DNAH12: variants seen among roughly 807,000 people sequenced by gnomAD.
DNAH12 encodes the protein dynein axonemal heavy chain 12.
Under a neutral mutation model 371.5 loss-of-function variants are expected in DNAH12, and 285 were observed. That is an observed-to-expected ratio of 0.77 (90% CI 0.70 to 0.85). The LOEUF is 0.85. Ranked by LOEUF, DNAH12 falls within the 40% of genes least tolerant of loss-of-function variation. DNAH12 has a pLI of 0.00. For missense variants in DNAH12, 3,611 were observed against 3,689.4 expected (o/e 0.98, Z 0.55); for synonymous variants, 1,200 against 1,213.0 (o/e 0.99, Z 0.22).
chr3:57,433,659 G>C lies in DNAH12; in HGVS notation c.4825C>G (p.Pro1609Ala). The stretch of plus-strand genomic sequence containing the variant: ...ATTTAGGTTACCTCATGAGACACTG[G>C]GTCAAACTGTCCAAAAAGTTGGCCC... ...TMGQLFGQFD[P>A]VSHEWTDGIV... The change falls in exon 31 of 74, where the codon CCA (proline) becomes GCA (alanine). Residue 1609 changes from proline to alanine, a missense_variant. Physicochemically the swap from Pro to Ala is conservative, Grantham distance 27. Around this residue, in one of 3 missense-constraint regions of DNAH12, gnomAD observed 2,266 missense variants for 2,236.9 expected, o/e 1.01. Coordinates refer to ENST00000495027, the MANE Select transcript of DNAH12 (RefSeq NM_001366028.2). 4 of 1,549,382 alleles carry C rather than the reference G, an allele frequency of 2.6e-6. No homozygotes were observed. Among genetic ancestry groups the C allele is most frequent in the Non-Finnish European group, 3.5e-6 (4 of 1,146,590 alleles).
intron 2 of DNAH12, among the ~76,000 whole-genome samples, chr3:57,524,947 GT>G (rs1223867507): frequency 2.6e-5 from 4 of 152,100 alleles, no homozygotes; most frequent in Non-Finnish European, 4.4e-5. Flanking sequence ...TAATCGAGAG[GT>G]TTTGAGCATG....
chr3:57,314,401 G>C, intron 66 of DNAH12, 93 bp downstream of exon 66: 3 of 1,456,808 alleles, frequency 2.1e-6, no homozygotes, highest in Non-Finnish European at 2.8e-6. Context: ...TGTTAGTGTT[G>C]GGAGAAGTGA....
chr3:57,499,673 T>TATATATATATATATACACACACAC (rs771112538), intron 11 of DNAH12, among the ~76,000 whole-genome samples: 7 of 44,444 alleles, frequency 1.6e-4, no homozygotes, highest in Admixed American at 2.8e-4. Context: ...TATATATATA[T>TATATATATATATATACACACACAC]ATACTTCTTA....
At chr3:57,402,516 A>T in intron 43 of DNAH12, 1 of 1,065,974 alleles carries the variant, frequency 9.4e-7, no homozygotes, top group Admixed American at 2.5e-5. Context: ...GCTAGAAACC[A>T]TTTATTTATC....
intron 19 of DNAH12, among the ~76,000 whole-genome samples, chr3:57,460,430 T>A (rs142840220): frequency 7.4e-4 from 112 of 152,328 alleles, no homozygotes; most frequent in Middle Eastern, 3.4e-3. Context: ...TGAAGACCAT[T>A]AATATAATAT....
chr3:57,405,504 A>G lies in DNAH12; in HGVS notation c.6576+149T>C, dbSNP rs1182820807. ...TTCTATGTTACATACTTTCCTATGA[A>G]GATAAATCTTCTCAAAACAAACACC... On this transcript the variant is annotated intron_variant, in intron 41 of 73. Coordinates refer to ENST00000495027, the MANE Select transcript of DNAH12 (RefSeq NM_001366028.2). 6.7e-6 allele frequency: 6 copies of G among 897,870 alleles called. No homozygotes were observed. In the Admixed American group the frequency reaches 1.8e-4, roughly 26 times the overall value. The allele number at this position is 897,870 out of a possible 1,614,324, so 55.6% of individuals were successfully genotyped here. A position where few individuals can be genotyped will look rare whatever the true frequency, so the allele number is the denominator to read the frequency against.
At chr3:57,499,648 A>AAAAAAAAAAAAAAAAATATATG (rs71088082) in intron 11 of DNAH12, among the ~76,000 whole-genome samples, 3 of 21,298 alleles carry the variant, frequency 1.4e-4, no homozygotes, top group Non-Finnish European at 2.8e-4. Context: ...AAAAAAAAAA[A>AAAAAAAAAAAAAAAAATATATG]TATATATATA....
chr3:57,452,855 A>T lies in DNAH12; in HGVS notation c.3774T>A (p.Cys1258Ter). The T allele has an allele frequency of 1.3e-6, 2 of 1,547,436 alleles. No individual in the cohort carries two copies. Among genetic ancestry groups the T allele is most frequent in the South Asian group, 2.4e-5 (2 of 82,520 alleles). Residue 1258 changes from cysteine to a stop codon, truncating the protein, a stop_gained, in exon 25 of 74, where the codon TGT becomes TGA. Coordinates refer to ENST00000495027, the MANE Select transcript of DNAH12 (RefSeq NM_001366028.2). LOFTEE classifies it high-confidence loss of function. ...RLVITPLTDR[C>*]YRTLIGAFYL... is the part of the protein sequence containing the mutation. ...TTTAAATGCATACCAATGTTCTGTA[A>T]CACCTGTCAGTTAGAGGCGTAATGA...
At chr3:57,366,253 A>G (rs1464029472) in intron 57 of DNAH12, among the ~76,000 whole-genome samples, 6 of 152,212 alleles carry the variant, frequency 3.9e-5, no homozygotes, top group African/African-American at 1.4e-4. Context: ...GACAATGTCA[A>G]AAAGTTACCC....
intron 70 of DNAH12, 96 bp from the exon 71 acceptor site, chr3:57,297,080 C>T: frequency 1.4e-6 from 2 of 1,395,824 alleles, no homozygotes; most frequent in Non-Finnish European, 1.9e-6. Context: ...GCTTATGTTG[C>T]CCACATTTTC....
chr3:57,332,580 T>C (rs1225149447), intron 62 of DNAH12, among the ~76,000 whole-genome samples: 1 of 152,170 alleles, frequency 6.6e-6, no homozygotes, highest in African/African-American at 2.4e-5. Flanking sequence ...GGCAGAGCAA[T>C]GCAGTGTCAC....
At chr3:57,546,164 G>C (rs976966959), upstream of DNAH12, among the ~76,000 whole-genome samples, 2 of 152,080 alleles carry the variant, frequency 1.3e-5, no homozygotes, top group African/African-American at 4.8e-5. Flanking sequence ...GTCGGGGGAC[G>C]AAGCACATTC....
chr3:57,408,851 G>A (rs901390826), intron 39 of DNAH12, among the ~76,000 whole-genome samples: 6 of 152,134 alleles, frequency 3.9e-5, no homozygotes, highest in African/African-American at 1.4e-4. Context: ...AAGCATGGAT[G>A]AGTGATCAAT....
In DNAH12 at chr3:57,415,378, A is replaced by G. The variant is rs185307184; in HGVS notation, c.5853+48T>C. The G allele has an allele frequency of 5.5e-5, 84 of 1,534,890 alleles. No individual in the cohort carries two copies. The African/African-American group carries it at 1.0e-3, about 18-fold the overall frequency. ...GTACAATTTTAAACACTGAGCAAATAAGACAAAAAAATTAACGATAGACCC... is the reference window on the plus strand; with the variant it reads ...GTACAATTTTAAACACTGAGCAAATGAGACAAAAAAATTAACGATAGACCC... On this transcript the variant is annotated intron_variant, in intron 38 of 73. Coordinates refer to ENST00000495027, the MANE Select transcript of DNAH12 (RefSeq NM_001366028.2).
chr3:57,299,331 T>C (rs1054643879), intron 70 of DNAH12, among the ~76,000 whole-genome samples: 2 of 152,216 alleles, frequency 1.3e-5, no homozygotes, highest in Non-Finnish European at 2.9e-5. Flanking sequence ...TTCATATGCA[T>C]TGCCTCATTT....
intron 55 of DNAH12, among the ~76,000 whole-genome samples, chr3:57,373,881 A>G (rs995634032): frequency 2.2e-4 from 34 of 152,240 alleles, no homozygotes; most frequent in African/African-American, 7.7e-4. Context: ...CAAACTCAAT[A>G]TGATTATACA....
chr3:57,471,433 T>C (rs981757125), intron 15 of DNAH12, 39 bp downstream of exon 15: 63 of 1,491,244 alleles, frequency 4.2e-5, no homozygotes, highest in Non-Finnish European at 5.5e-5. Context: ...TATGACTCTA[T>C]GGGCTGGCCA....
chr3:57,293,713 G>A lies in DNAH12; in HGVS notation c.*68C>T. The A allele has an allele frequency of 7.0e-7, 1 of 1,430,022 alleles. No individual in the cohort carries two copies. The highest frequency in any genetic ancestry group is 9.4e-7 in the Non-Finnish European group (1 of 1,062,492). 88.6% of individuals were successfully genotyped at this position (1,430,022 alleles called of 1,614,324 possible). A position where few individuals can be genotyped will look rare whatever the true frequency, so the allele number is the denominator to read the frequency against. ...ACACCAAAACACTTGGTTTTATAAT[G>A]TATATATTTTAAGTAGGACAGGTTT... On this transcript the variant is annotated 3_prime_UTR_variant, in exon 74 of 74. Coordinates refer to ENST00000495027, the MANE Select transcript of DNAH12 (RefSeq NM_001366028.2).
intron 11 of DNAH12, among the ~76,000 whole-genome samples, chr3:57,499,517 G>C (rs2067437186): frequency 6.7e-6 from 1 of 148,624 alleles, no homozygotes; most frequent in African/African-American, 2.5e-5. Context: ...GTACAGGCTG[G>C]GTGTGGTGGC....
Sources: allele counts gnomAD v4.1 joint callset (sites outside exome capture counted in the v4.1 genomes callset), GRCh38; gene constraint gnomAD v4.1.1; regional missense constraint gnomAD v4.1.1; transcripts MANE v1.5; gene names NCBI Gene and HGNC (gene_info 2026-07-23, HGNC 2026-07-21).